STIM1: variants seen among roughly 807,000 people sequenced by gnomAD.
The protein encoded by STIM1 is stromal interaction molecule 1.
In STIM1, 25 loss-of-function variants were observed where a neutral mutation model predicts 74.7. That is an observed-to-expected ratio of 0.33 (90% CI 0.24 to 0.47). STIM1 has a LOEUF of 0.47. STIM1 is among the 20% of genes least tolerant of loss of function. STIM1 has a pLI of 1.00. For missense variants in STIM1, 728 were observed against 920.8 expected (o/e 0.79, Z 2.71); for synonymous variants, 328 against 348.8 (o/e 0.94, Z 0.66).
intron 11 of STIM1, among the ~76,000 whole-genome samples, chr11:4,085,071 T>C (rs770822529): frequency 2.6e-5 from 4 of 152,072 alleles, no homozygotes; most frequent in Admixed American, 6.5e-5. Context: ...GAAGGACAAA[T>C]GACCCCTTTC....
intron 1 of STIM1, among the ~76,000 whole-genome samples, chr11:3,907,873 C>G (rs937107094): frequency 6.6e-6 from 1 of 152,216 alleles, no homozygotes; most frequent in Non-Finnish European, 1.5e-5. Flanking sequence ...TTGGTTCTTC[C>G]TTCTTACTCT....
intron 2 of STIM1, among the ~76,000 whole-genome samples, chr11:3,974,718 T>C (rs57292382): frequency 0.056 from 8,506 of 152,134 alleles, 736 homozygotes; most frequent in African/African-American, 0.19. Flanking sequence ...CTATTGGTGA[T>C]GGTGCCCTTC....
chr11:3,895,169 TC>T (rs1305333240), intron 1 of STIM1, among the ~76,000 whole-genome samples: 2 of 152,138 alleles, frequency 1.3e-5, no homozygotes, highest in Non-Finnish European at 2.9e-5. Flanking sequence ...CACTTGGTGT[TC>T]TCTAGCCTTT....
chr11:3,924,613 A>G (rs1007745860), intron 1 of STIM1, among the ~76,000 whole-genome samples: 6 of 152,184 alleles, frequency 3.9e-5, no homozygotes, highest in Admixed American at 2.0e-4. Flanking sequence ...AACAATTTCA[A>G]TGAAGCCTTG....
At chr11:3,886,532 C>T (rs187904134) in intron 1 of STIM1, among the ~76,000 whole-genome samples, 2 of 147,600 alleles carry the variant, frequency 1.4e-5, no homozygotes, top group South Asian at 4.3e-4. Context: ...ACTAAAAATA[C>T]AAGAAATTAG....
At chr11:4,016,581 A>G (rs1457363024) in intron 2 of STIM1, among the ~76,000 whole-genome samples, 9 of 152,238 alleles carry the variant, frequency 5.9e-5, no homozygotes, top group Non-Finnish European at 1.3e-4. Context: ...TGCTCTCTTC[A>G]GAGCTGTCAG....
At chr11:3,890,186 C>T (rs1165879604) in intron 1 of STIM1, among the ~76,000 whole-genome samples, 3 of 152,144 alleles carry the variant, frequency 2.0e-5, no homozygotes, top group African/African-American at 2.4e-5. Flanking sequence ...CCTCTCTGGA[C>T]CTTAGTGGCA....
At chr11:3,992,081 G>GCTTTT (rs376329167) in intron 2 of STIM1, among the ~76,000 whole-genome samples, 2,844 of 91,284 alleles carry the variant, frequency 0.031, 82 homozygotes, top group South Asian at 0.045. Flanking sequence ...GCCAACATCT[G>GCTTTT]TTTTTTTGTT....
At chr11:4,051,387 G>A (rs1192359532) in intron 3 of STIM1, among the ~76,000 whole-genome samples, 1 of 149,360 alleles carries the variant, frequency 6.7e-6, no homozygotes, top group Non-Finnish European at 1.5e-5. Flanking sequence ...CTGTCACTCA[G>A]GCTGGAGTGC....
Position 3,867,783 on chromosome 11 carries a change from A to G in STIM1, c.139+11374A>G, listed in dbSNP as rs1389769408. ...ACCCTTTCCTCGGTTGGCCATATAC[A>G]CAGAGCCCCTGGCTGCCTTGTGTTG... On this transcript the variant is annotated intron_variant, in intron 1 of 12. Coordinates refer to ENST00000526596, the MANE Select transcript of STIM1 (RefSeq NM_001382567.1). Among the ~76,000 whole-genome samples, 5 of 152,284 alleles carry G rather than the reference A, an allele frequency of 3.3e-5. No individual in the cohort carries two copies. In the East Asian group the frequency reaches 9.7e-4, roughly 29 times the overall value.
intron 1 of STIM1, among the ~76,000 whole-genome samples, chr11:3,872,969 G>C (rs1160009952): frequency 6.9e-6 from 1 of 144,132 alleles, no homozygotes; most frequent in South Asian, 2.1e-4. Context: ...TTTTTTTTGA[G>C]ACAGAATCTC....
chr11:4,022,844 C>T (rs1316034454), intron 2 of STIM1, among the ~76,000 whole-genome samples: 1 of 152,228 alleles, frequency 6.6e-6, no homozygotes, highest in African/African-American at 2.4e-5. Flanking sequence ...CAGGGCCCCT[C>T]AGGGCCCAAA....
At chr11:4,041,079 A>G (rs2094143502) in intron 3 of STIM1, among the ~76,000 whole-genome samples, 1 of 152,228 alleles carries the variant, frequency 6.6e-6, no homozygotes, top group Non-Finnish European at 1.5e-5. Flanking sequence ...AGGAAGGGCC[A>G]CTTTGGAAGG....
chr11:3,973,863 G>A (rs1204070606), intron 2 of STIM1: 2 of 441,828 alleles, frequency 4.5e-6, no homozygotes, highest in Non-Finnish European at 8.3e-6. Flanking sequence ...ATAGGCACAT[G>A]CCACCATACC....
At chr11:4,018,089 TGGATC>T (rs1165848864) in intron 2 of STIM1, among the ~76,000 whole-genome samples, 1 of 152,056 alleles carries the variant, frequency 6.6e-6, no homozygotes, top group Non-Finnish European at 1.5e-5. Context: ...CCGAGACAGG[TGGATC>T]ACCTGAGGTC....
intron 2 of STIM1, among the ~76,000 whole-genome samples, chr11:3,986,611 T>G (rs1420145304): frequency 6.6e-6 from 1 of 151,964 alleles, no homozygotes; most frequent in Non-Finnish European, 1.5e-5. Flanking sequence ...GAACTTGGTT[T>G]TTAAAGATGA....
At chr11:3,929,359 G>A (rs762398571) in intron 1 of STIM1, among the ~76,000 whole-genome samples, 8 of 152,140 alleles carry the variant, frequency 5.3e-5, no homozygotes, top group Non-Finnish European at 1.2e-4. Flanking sequence ...TTGCATTTAC[G>A]GAGCCCCTTG....
At chr11:4,047,342 A>T (rs944930227) in intron 3 of STIM1, among the ~76,000 whole-genome samples, 26 of 152,094 alleles carry the variant, frequency 1.7e-4, no homozygotes, top group African/African-American at 6.3e-4. Context: ...TTGACCAGGC[A>T]CAGTAGCTCA....
At chr11:3,990,985 G>A (rs1404008865) in intron 2 of STIM1, among the ~76,000 whole-genome samples, 1 of 151,982 alleles carries the variant, frequency 6.6e-6, no homozygotes, top group Non-Finnish European at 1.5e-5. Context: ...GGAGATCCCA[G>A]TATCTATTGT....
Sources: gnomAD v4.1 joint callset for allele counts (sites outside exome capture counted in the v4.1 genomes callset) on GRCh38, gnomAD v4.1.1 for gene constraint, MANE v1.5 for transcripts, NCBI Gene and HGNC (gene_info 2026-07-23, HGNC 2026-07-21) for gene names.